Variants in NOS1AP observed in about 807,000 individuals in gnomAD.
NOS1AP encodes the protein nitric oxide synthase 1 adaptor protein, also known as carboxyl-terminal PDZ ligand of neuronal nitric oxide synthase protein.
Under a neutral mutation model 56.2 loss-of-function variants are expected in NOS1AP, and 21 were observed. That is an observed-to-expected ratio of 0.37 (90% confidence interval 0.26 to 0.54). NOS1AP has a LOEUF of 0.54. Among genes scored for constraint, NOS1AP ranks in the 20% least tolerant of loss-of-function variants. The probability of loss-of-function intolerance (pLI) is 0.84; values close to 1 mark genes in which losing one functional copy is unlikely to be tolerated. For synonymous variants in NOS1AP, 270 were observed against 274.6 expected, an observed-to-expected ratio of 0.98 and a Z score of 0.17; for missense variants, 522 against 657.8, an observed-to-expected ratio of 0.79 and a Z score of 2.26.
intron 6 of NOS1AP, among the ~76,000 whole-genome samples, chr1:162,351,515 G>A (rs1225874788): frequency 3.3e-5 from 5 of 152,168 alleles, no homozygotes; most frequent in African/African-American, 1.2e-4. Flanking sequence ...TTCTGTCTCA[G>A]TGGACAGTGA....
intron 1 of NOS1AP, among the ~76,000 whole-genome samples, chr1:162,082,185 A>G (rs4531274): frequency 0.65 from 82,471 of 126,912 alleles, 24,547 homozygotes; most frequent in Non-Finnish European, 0.74. Flanking sequence ...GAGAACATGC[A>G]GTATTTGTTT....
chr1:162,245,036 A>G (rs1166975247), intron 2 of NOS1AP, among the ~76,000 whole-genome samples: 2 of 152,188 alleles, frequency 1.3e-5, no homozygotes, highest in African/African-American at 4.8e-5. Flanking sequence ...ATTGTGTGCT[A>G]CCATGTAGAG....
At position 162,365,465 on chromosome 1, in the gene NOS1AP, G is replaced by A. The variant is rs1258105177; in HGVS notation, c.1001G>A (p.Arg334His). The A allele has an allele frequency of 1.2e-5, 19 of 1,613,858 alleles. No individual in the cohort carries two copies. The highest frequency in any genetic ancestry group is 1.7e-5 in the Admixed American group (1 of 60,008). ...GCGGCGCGGCTGGAGGCCCAGGCTC[G>A]CGTGCATCAGCTTTTGCTGCAGAAC... Reference protein sequence around the residue: ...EAAARLEAQARVHQLLLQNKD... With the variant: ...EAAARLEAQAHVHQLLLQNKD... The change falls in exon 9 of 10, where the codon CGC (arginine) becomes CAC (histidine). Residue 334 changes from arginine (R) to histidine (H), a missense_variant. Transcript: ENST00000361897.
At chr1:162,360,488 G>A in intron 8 of NOS1AP, 1 of 286,366 alleles carries the variant, frequency 3.5e-6, no homozygotes. Context: ...AAGTAGGCCA[G>A]GTCTATTCAC....
chr1:162,174,051 A>G (rs1346824201), intron 2 of NOS1AP, among the ~76,000 whole-genome samples: 2 of 152,222 alleles, frequency 1.3e-5, no homozygotes, highest in African/African-American at 2.4e-5. Context: ...CAGCCATCCC[A>G]TTACTGGGTA....
At chr1:162,166,892 G>C (rs1440241692) in intron 2 of NOS1AP, among the ~76,000 whole-genome samples, 1 of 152,138 alleles carries the variant, frequency 6.6e-6, no homozygotes, top group Non-Finnish European at 1.5e-5. Context: ...AAGCCCTTTT[G>C]GTCAGGATCC....
rs75642890 is a variant in NOS1AP at position 162,108,245 on chromosome 1, G to A, written c.105+37963G>A. On this transcript the variant is annotated intron_variant, in intron 1 of 9. Transcript: ENST00000361897. ...TTCATCTTTTTACAACAGCAAGCAG[G>A]GAAACTCTGGAGGACTCCCAGGGTC... Among the ~76,000 whole-genome samples, 385 of 152,264 alleles carry A rather than the reference G, an allele frequency of 2.5e-3. 18 individuals are homozygous for A. The East Asian group carries it at 0.06, about 24-fold the overall frequency.
At chr1:162,214,134 T>C (rs747017678) in intron 2 of NOS1AP, among the ~76,000 whole-genome samples, 1 of 152,150 alleles carries the variant, frequency 6.6e-6, no homozygotes, top group Non-Finnish European at 1.5e-5. Context: ...AAATGCCAAG[T>C]GGAGGAGTTT....
chr1:162,257,143 G>A (rs962982876), intron 2 of NOS1AP, among the ~76,000 whole-genome samples: 3 of 152,174 alleles, frequency 2.0e-5, no homozygotes, highest in African/African-American at 4.8e-5. Context: ...TACATAGCCA[G>A]CTGCATTCAT....
Position 162,207,724 on chromosome 1 carries a change from A to G in NOS1AP, c.177+53248A>G, listed in dbSNP as rs182879767. ...CATGATGTGTGAAAAATCATGATAC[A>G]TACTGTACGGTCTCAGTCCCATAAA... On this transcript the variant is annotated intron_variant, in intron 2 of 9. Transcript: ENST00000361897. Among the ~76,000 whole-genome samples, 248 of 152,348 alleles carry G rather than the reference A, an allele frequency of 1.6e-3. 2 individuals carry two copies. The highest frequency in any genetic ancestry group is 5.7e-3 in the African/African-American group (239 of 41,588).
At position 162,369,253 on chromosome 1, in the gene NOS1AP, GT is replaced by G. The variant is rs1647288850; in HGVS notation, c.*1790del. 6.6e-6 allele frequency: 1 copy of G among 152,176 alleles called. No homozygotes were observed. The highest frequency in any genetic ancestry group is 1.5e-5 in the Non-Finnish European group (1 of 68,030). 9.4% of individuals were successfully genotyped at this position (152,176 alleles called of 1,614,324 possible). A position where few individuals can be genotyped will look rare whatever the true frequency, so the allele number is the denominator to read the frequency against. ...TAGTTGGAGAGGCATGGTTCTGTTT[GT>G]TTTGTTTTGATCTAATTTGCCATTG... On this transcript the variant is annotated 3_prime_UTR_variant, in exon 10 of 10. Transcript: ENST00000361897.
At chr1:162,263,499 C>T (rs1440032898) in intron 2 of NOS1AP, among the ~76,000 whole-genome samples, 1 of 152,206 alleles carries the variant, frequency 6.6e-6, no homozygotes, top group Non-Finnish European at 1.5e-5. Flanking sequence ...ACATAAATTT[C>T]TGAGAGACAC....
At chr1:162,209,533 C>T (rs1015141237) in intron 2 of NOS1AP, among the ~76,000 whole-genome samples, 5 of 152,128 alleles carry the variant, frequency 3.3e-5, no homozygotes, top group Non-Finnish European at 7.4e-5. Flanking sequence ...AGTCAGTTTC[C>T]TCTCTTTGTG....
chr1:162,294,359 G>T (rs1394375634), intron 3 of NOS1AP, among the ~76,000 whole-genome samples: 1 of 152,134 alleles, frequency 6.6e-6, no homozygotes, highest in African/African-American at 2.4e-5. Context: ...GGACGGGCCT[G>T]CCTTAGTATC....
intron 4 of NOS1AP, among the ~76,000 whole-genome samples, chr1:162,332,233 C>G (rs1656792387): frequency 6.6e-6 from 1 of 152,164 alleles, no homozygotes; most frequent in South Asian, 2.1e-4. Context: ...GTGACTGTCT[C>G]CCTTACCCCA....
intron 1 of NOS1AP, among the ~76,000 whole-genome samples, chr1:162,134,691 C>T (rs1648911094): frequency 1.3e-5 from 2 of 152,082 alleles, no homozygotes; most frequent in South Asian, 2.1e-4. Flanking sequence ...CCCAGATATC[C>T]TCTCCTCCTA....
intron 2 of NOS1AP, among the ~76,000 whole-genome samples, chr1:162,283,044 C>T (rs1571188402): frequency 6.6e-6 from 1 of 151,562 alleles, no homozygotes. Flanking sequence ...GACTGAAGAA[C>T]CAAGGATCCT....
At chr1:162,100,976 A>G (rs1647237804) in intron 1 of NOS1AP, among the ~76,000 whole-genome samples, 2 of 152,116 alleles carry the variant, frequency 1.3e-5, no homozygotes, top group South Asian at 2.1e-4. Context: ...TTCTGTTGCA[A>G]TTGCTTTTGG....
intron 2 of NOS1AP, among the ~76,000 whole-genome samples, chr1:162,254,870 A>C (rs1304339518): frequency 2.6e-5 from 4 of 152,166 alleles, no homozygotes; most frequent in African/African-American, 7.2e-5. Context: ...TGTTTAAGTG[A>C]CTTCTTGGCA....
Sources: gnomAD v4.1 joint callset for allele counts (sites outside exome capture counted in the v4.1 genomes callset) on GRCh38, gnomAD v4.1.1 for gene constraint, MANE v1.5 for transcripts, NCBI Gene and HGNC (gene_info 2026-07-23, HGNC 2026-07-21) for gene names.